The following CSMD3 variants were observed in gnomAD, a reference collection of about 807,000 sequenced individuals.
CSMD3 encodes the protein CUB and sushi domain-containing protein 3.
CSMD3 carries 177 observed loss-of-function variants against 435.2 expected under a neutral mutation model. That is an observed-to-expected ratio of 0.41 (90% CI 0.36 to 0.46). The LOEUF (loss-of-function observed/expected upper bound fraction) is 0.46, where lower values mean the gene tolerates loss of function less well. Among genes scored for constraint, CSMD3 ranks in the 20% least tolerant of loss-of-function variants. The pLI is 0.34. For missense variants in CSMD3, 4,265 were observed against 4,504.6 expected (o/e 0.95, Z 1.52); for synonymous variants, 1,656 against 1,520.5 (o/e 1.09, Z -2.07).
chr8:113,206,439 A>T (rs564867715), intron 3 of CSMD3, among the ~76,000 whole-genome samples: 1 of 152,142 alleles, frequency 6.6e-6, no homozygotes, highest in East Asian at 1.9e-4. Context: ...GTTCCTGTCC[A>T]TGTGCATATT....
chr8:113,023,884 C>T (rs1019104163), intron 5 of CSMD3, among the ~76,000 whole-genome samples: 24 of 152,078 alleles, frequency 1.6e-4, no homozygotes, highest in African/African-American at 5.8e-4. Context: ...GAGTAATTAG[C>T]ATATCCATCA....
At chr8:112,793,163 T>A (rs1227777662) in intron 13 of CSMD3, among the ~76,000 whole-genome samples, 1 of 147,476 alleles carries the variant, frequency 6.8e-6, no homozygotes, top group South Asian at 2.1e-4. Flanking sequence ...AATTAATATA[T>A]TAATTAAATA....
At chr8:112,270,018 G>C (rs1414554430) in intron 59 of CSMD3, among the ~76,000 whole-genome samples, 2 of 152,132 alleles carry the variant, frequency 1.3e-5, no homozygotes, top group African/African-American at 4.8e-5. Flanking sequence ...TCTGGAGTTA[G>C]AAACAATGAG....
chr8:112,468,892 T>C (rs1289399214), intron 32 of CSMD3, among the ~76,000 whole-genome samples: 7 of 152,028 alleles, frequency 4.6e-5, no homozygotes, highest in Admixed American at 2.0e-4. Context: ...AGTAGAATCC[T>C]GCAGGATGAA....
chr8:112,580,688 T>G (rs529449432), intron 23 of CSMD3, among the ~76,000 whole-genome samples: 1 of 152,164 alleles, frequency 6.6e-6, no homozygotes, highest in Admixed American at 6.6e-5. Context: ...AGCTGGTAGA[T>G]GCAAAGAGGT....
At chr8:112,415,398 C>T (rs1472838986) in intron 32 of CSMD3, among the ~76,000 whole-genome samples, 2 of 152,212 alleles carry the variant, frequency 1.3e-5, no homozygotes, top group Non-Finnish European at 2.9e-5. Flanking sequence ...GGTTTGGGAA[C>T]CTCTACCTAG....
intron 59 of CSMD3, among the ~76,000 whole-genome samples, chr8:112,276,359 G>A (rs114731260): frequency 9.9e-4 from 150 of 152,250 alleles, no homozygotes; most frequent in African/African-American, 3.3e-3. Flanking sequence ...ACAAGTTGTC[G>A]ATGTATCTCC....
rs1169504968 is a variant in CSMD3, at chr8:112,947,839, G to C, written c.1459C>G (p.Pro487Ala). The stretch of plus-strand genomic sequence containing the variant: ...CCATTTTCTGGTTCTCCTGGATCTG[G>C]GCATAAATTGGAAGCTGTTTTAATA... ...GGIKTASNLC[P>A]DPGEPENGKR... is the part of the protein sequence containing the mutation. The change falls in exon 9 of 71, where the codon CCA (proline) becomes GCA (alanine). Residue 487 changes from proline to alanine, a missense_variant. Around this residue, in one of 3 missense-constraint regions of CSMD3, gnomAD observed 731 missense variants for 755.4 expected, o/e 0.97. Transcript: ENST00000297405. 1 of 1,551,288 alleles carries C rather than the reference G, an allele frequency of 6.4e-7. No individual in the cohort carries two copies. The highest frequency in any genetic ancestry group is 2.3e-5 in the East Asian group (1 of 44,326).
intron 5 of CSMD3, among the ~76,000 whole-genome samples, chr8:113,053,393 G>C (rs2088181272): frequency 6.6e-6 from 1 of 151,850 alleles, no homozygotes; most frequent in Admixed American, 6.6e-5. Context: ...CTTTGTACTG[G>C]TTAAAATTAT....
rs2130416507 is a variant in CSMD3 at position 112,265,584 on chromosome 8, C to T, written c.9515G>A (p.Ser3172Asn). The change falls in exon 60 of 71, where the codon AGT (serine) becomes AAT (asparagine). Residue 3172 changes from serine to asparagine, a missense_variant. This residue lies in a region of CSMD3 where 3,255 missense variants were observed against 3,380.2 expected (regional missense o/e 0.96). Transcript: ENST00000297405. ...SGTLPNCTII[S>N]CGDPGIPANG... ...GGCTGGTATACCTGGGTCTCCACAA[C>T]TGATTACTGTCAGTATTGGATTAGA... 1 of 1,610,988 alleles carries T rather than the reference C, an allele frequency of 6.2e-7. No homozygotes were observed. The highest frequency in any genetic ancestry group is 8.5e-7 in the Non-Finnish European group (1 of 1,177,272).
intron 36 of CSMD3, among the ~76,000 whole-genome samples, chr8:112,383,901 A>C (rs1829705968): frequency 6.6e-6 from 1 of 152,186 alleles, no homozygotes; most frequent in Non-Finnish European, 1.5e-5. Flanking sequence ...GTATAACCAG[A>C]GCAATGTCTG....
intron 1 of CSMD3, among the ~76,000 whole-genome samples, chr8:113,374,514 T>G (rs1041423335): frequency 6.6e-6 from 1 of 152,026 alleles, no homozygotes; most frequent in African/African-American, 2.4e-5. Flanking sequence ...GTCACCCTAC[T>G]TTCACATACA....
At chr8:112,338,707 A>G (rs552623605) in intron 42 of CSMD3, among the ~76,000 whole-genome samples, 5 of 152,264 alleles carry the variant, frequency 3.3e-5, no homozygotes, top group East Asian at 1.9e-4. Flanking sequence ...CAAATTCTTT[A>G]AAATGTTAAG....
intron 6 of CSMD3, 143 bp downstream of exon 6, chr8:113,018,924 T>C (rs2086576987): frequency 1.5e-6 from 1 of 681,906 alleles, no homozygotes; most frequent in African/African-American, 1.8e-5. Context: ...ATCACATTAT[T>C]GTCTCAGCAA....
chr8:112,586,863 AT>A (rs1478864691), intron 23 of CSMD3, among the ~76,000 whole-genome samples: 1 of 149,024 alleles, frequency 6.7e-6, no homozygotes, highest in East Asian at 2.0e-4. Flanking sequence ...TTATAAAAAA[AT>A]TGGAAACAAA....
At chr8:113,247,779 G>A (rs1363859596) in intron 3 of CSMD3, among the ~76,000 whole-genome samples, 2 of 152,024 alleles carry the variant, frequency 1.3e-5, no homozygotes, top group African/African-American at 4.8e-5. Context: ...TGCATATTAT[G>A]AATATACCTT....
intron 35 of CSMD3, among the ~76,000 whole-genome samples, chr8:112,404,369 A>C (rs1023771295): frequency 2.9e-4 from 44 of 152,048 alleles, no homozygotes; most frequent in African/African-American, 9.9e-4. Context: ...CTCTACTAAA[A>C]GATAGAAAAA....
At chr8:113,012,043 GATA>G (rs976565830) in intron 6 of CSMD3, among the ~76,000 whole-genome samples, 1 of 151,664 alleles carries the variant, frequency 6.6e-6, no homozygotes, top group African/African-American at 2.4e-5. Flanking sequence ...GAAGAAAGAT[GATA>G]ATAATGTCAA....
At chr8:112,959,148 CT>C (rs1274975626) in intron 7 of CSMD3, among the ~76,000 whole-genome samples, 5 of 151,956 alleles carry the variant, frequency 3.3e-5, no homozygotes, top group African/African-American at 4.8e-5. Flanking sequence ...GAACATTTAT[CT>C]TTGAAAAAGA....
Sources: allele counts gnomAD v4.1 joint callset (sites outside exome capture counted in the v4.1 genomes callset), GRCh38; gene constraint gnomAD v4.1.1; regional missense constraint gnomAD v4.1.1; transcripts MANE v1.5; gene names NCBI Gene and HGNC (gene_info 2026-07-23, HGNC 2026-07-21).